Variants in LAMA2 observed in about 807,000 individuals in gnomAD.
The protein encoded by LAMA2 is laminin subunit alpha-2.
Under a neutral mutation model 364.8 loss-of-function variants are expected in LAMA2, and 269 were observed. The ratio of observed to expected loss-of-function variants is 0.74; its 90% CI spans 0.67 to 0.82. The LOEUF is 0.82. Among genes scored for constraint, LAMA2 ranks in the 40% least tolerant of loss-of-function variants. LAMA2 has a pLI of 0.00. For synonymous variants in LAMA2, 1,379 were observed against 1,370.6 expected (o/e 1.01, Z -0.14); for missense variants, 3,807 against 3,873.2 (o/e 0.98, Z 0.45).
chr6:129,051,399 A>G (rs893049010), intron 2 of LAMA2, among the ~76,000 whole-genome samples: 8 of 148,710 alleles, frequency 5.4e-5, no homozygotes, highest in African/African-American at 1.5e-4. Context: ...TGCAACCGCC[A>G]TCTCCCGGGT....
Position 129,267,629 on chromosome 6 carries a change from TTTC to T in LAMA2, c.2322+414_2322+416del, listed in dbSNP as rs1171161013. Among the ~76,000 whole-genome samples the T allele has an allele frequency of 5.9e-5, 9 of 152,184 alleles. No individual in the cohort carries two copies. In the East Asian group the frequency reaches 1.7e-3, roughly 29 times the overall value. On this transcript the variant is annotated intron_variant, in intron 16 of 64. Coordinates refer to ENST00000421865, the MANE Select transcript of LAMA2 (RefSeq NM_000426.4). ...ACCTTTATAGTAAACATAATTAAGT[TTTC>T]TTCATGTTGAAAATGAAAACATACT...
intron 14 of LAMA2, among the ~76,000 whole-genome samples, chr6:129,254,046 G>A (rs1786455499): frequency 6.6e-6 from 1 of 152,176 alleles, no homozygotes; most frequent in African/African-American, 2.4e-5. Flanking sequence ...TTTTATCTTT[G>A]ATCTACTAGT....
intron 1 of LAMA2, among the ~76,000 whole-genome samples, chr6:128,926,520 G>C (rs962881188): frequency 6.6e-6 from 1 of 152,140 alleles, no homozygotes; most frequent in South Asian, 2.1e-4. Flanking sequence ...TGCTTTAGTA[G>C]GCTCTCAAAC....
chr6:129,112,010 TA>T (rs1181902021), intron 4 of LAMA2, among the ~76,000 whole-genome samples: 1 of 151,996 alleles, frequency 6.6e-6, no homozygotes, highest in African/African-American at 2.4e-5. Context: ...CACACTCTGT[TA>T]CCCTTATATG....
chr6:129,260,577 A>G lies in LAMA2; in HGVS notation c.2097-134A>G, dbSNP rs1239324469. ...TGACAAAGGACCAGAGCTTTTGGTT[A>G]TGGTATTCATCAGCTTCCTTTCTCA... On this transcript the variant is annotated intron_variant, in intron 14 of 64. Coordinates refer to ENST00000421865, the MANE Select transcript of LAMA2 (RefSeq NM_000426.4). 4.1e-6 allele frequency: 3 copies of G among 730,412 alleles called. No homozygotes were observed. In the East Asian group the frequency reaches 7.7e-5, roughly 19 times the overall value. 45.2% of individuals were successfully genotyped at this position (730,412 alleles called of 1,614,324 possible).
chr6:129,164,145 AG>A (rs1469108556), intron 8 of LAMA2, among the ~76,000 whole-genome samples: 3 of 152,178 alleles, frequency 2.0e-5, no homozygotes, highest in Admixed American at 1.3e-4. Flanking sequence ...AATCACAGAT[AG>A]TACCAAACCT....
intron 12 of LAMA2, among the ~76,000 whole-genome samples, chr6:129,223,242 G>A (rs1002132596): frequency 2.6e-5 from 4 of 152,096 alleles, no homozygotes; most frequent in African/African-American, 7.2e-5. Context: ...CTGGATATTA[G>A]CCCTTTGTCA....
At chr6:129,181,351 T>C (rs1780912930) in intron 10 of LAMA2, among the ~76,000 whole-genome samples, 1 of 151,916 alleles carries the variant, frequency 6.6e-6, no homozygotes, top group South Asian at 2.1e-4. Context: ...TAAATTTGTA[T>C]TCATAAAAAT....
In LAMA2 at chr6:129,498,932, G is replaced by A. The variant is rs147436549; in HGVS notation, c.8245-3727G>A. On this transcript the variant is annotated intron_variant, in intron 58 of 64. Transcript: ENST00000421865. ...CTGACCTGAAGTTAAATGAGTGACA[G>A]TGTGGGGGTGAAAACGTTTTGGCCC... Among the ~76,000 whole-genome samples the A allele has an allele frequency of 2.8e-3, 421 of 152,312 alleles. 2 individuals carry two copies. Among genetic ancestry groups the A allele is most frequent in the African/African-American group, 8.2e-3 (342 of 41,564 alleles).
intron 19 of LAMA2, among the ~76,000 whole-genome samples, chr6:129,288,308 A>G (rs578251646): frequency 6.6e-6 from 1 of 152,288 alleles, no homozygotes; most frequent in African/African-American, 2.4e-5. Context: ...TTTTATTTAC[A>G]TGCGGAAGGA....
intron 1 of LAMA2, among the ~76,000 whole-genome samples, chr6:129,017,991 A>G (rs79648833): frequency 6.6e-6 from 1 of 151,890 alleles, no homozygotes; most frequent in African/African-American, 2.4e-5. Flanking sequence ...TTCTGATGGC[A>G]TCTCTTTCCA....
Position 129,064,138 on chromosome 6 carries a change from T to TC in LAMA2, c.396+4243dup, listed in dbSNP as rs377552567. ...GTACAAGGAGGGAATTTTGGAAAAT[T>TC]CACAAATACATGGAAATTAAACAAC... On this transcript the variant is annotated intron_variant, in intron 3 of 64. Coordinates refer to ENST00000421865, the MANE Select transcript of LAMA2 (RefSeq NM_000426.4). Among the ~76,000 whole-genome samples, 656 of 151,764 alleles carry TC rather than the reference T, an allele frequency of 4.3e-3. 3 individuals carry two copies. Among genetic ancestry groups the TC allele is most frequent in the African/African-American group, 0.015 (627 of 41,414 alleles).
chr6:129,149,134 C>T (rs1241556965), intron 7 of LAMA2, 38 bp downstream of exon 7: 2 of 1,265,288 alleles, frequency 1.6e-6, no homozygotes, highest in Non-Finnish European at 2.3e-6. Flanking sequence ...TGTCATTCTT[C>T]CTTTCCAAGA....
chr6:129,254,064 G>A (rs1284740943), intron 14 of LAMA2, among the ~76,000 whole-genome samples: 1 of 152,210 alleles, frequency 6.6e-6, no homozygotes, highest in Non-Finnish European at 1.5e-5. Flanking sequence ...AGTAGATTGA[G>A]TCATATTTGT....
chr6:128,952,038 A>C (rs967938065), intron 1 of LAMA2, among the ~76,000 whole-genome samples: 4 of 151,964 alleles, frequency 2.6e-5, no homozygotes, highest in African/African-American at 9.7e-5. Context: ...ATAGTGGCAC[A>C]TGTCTGTAGT....
intron 58 of LAMA2, among the ~76,000 whole-genome samples, chr6:129,501,792 A>G (rs1426790243): frequency 6.6e-6 from 1 of 152,222 alleles, no homozygotes; most frequent in Non-Finnish European, 1.5e-5. Context: ...AATAGAGAAC[A>G]GGGAAAGGAA....
At chr6:129,011,972 A>G (rs1470046741) in intron 1 of LAMA2, among the ~76,000 whole-genome samples, 1 of 152,166 alleles carries the variant, frequency 6.6e-6, no homozygotes, top group Non-Finnish European at 1.5e-5. Context: ...ATGTATTAAA[A>G]GAGAAAAACG....
intron 41 of LAMA2, chr6:129,436,964 T>A (rs1484916327): frequency 1.3e-5 from 2 of 152,158 alleles, no homozygotes; most frequent in Non-Finnish European, 2.9e-5. Context: ...TGGTTATATA[T>A]GTTGCTTAGG....
chr6:129,323,171 A>G (rs1775072319), intron 28 of LAMA2, among the ~76,000 whole-genome samples: 1 of 152,182 alleles, frequency 6.6e-6, no homozygotes, highest in Non-Finnish European at 1.5e-5. Flanking sequence ...CCTAAGTGTA[A>G]TTACCCAGGC....
Sources: allele counts gnomAD v4.1 joint callset (sites outside exome capture counted in the v4.1 genomes callset), GRCh38; gene constraint gnomAD v4.1.1; transcripts MANE v1.5; gene names NCBI Gene and HGNC (gene_info 2026-07-23, HGNC 2026-07-21).